Variants in SPATA17 observed in about 807,000 individuals in gnomAD.
The protein encoded by SPATA17 is spermatogenesis-associated protein 17.
Under a neutral mutation model 62.2 loss-of-function variants are expected in SPATA17, and 53 were observed. The observed-to-expected ratio is 0.85, with a 90% confidence interval of 0.68 to 1.07. The LOEUF (loss-of-function observed/expected upper bound fraction) is 1.07. SPATA17 is among the 50% of genes least tolerant of loss of function. SPATA17 has a pLI of 0.00. For missense variants in SPATA17, 466 were observed against 425.5 expected, an observed-to-expected ratio of 1.10 and a Z score of -0.84; for synonymous variants, 146 against 146.8, an observed-to-expected ratio of 0.99 and a Z score of 0.04.
At chr1:217,776,325 AG>A (rs1341124980) in intron 7 of SPATA17, among the ~76,000 whole-genome samples, 1 of 152,206 alleles carries the variant, frequency 6.6e-6, no homozygotes, top group Non-Finnish European at 1.5e-5. Context: ...ACCTTGTGTT[AG>A]ATTTGGCTCA....
At chr1:217,814,140 T>A (rs969778679) in intron 9 of SPATA17, among the ~76,000 whole-genome samples, 1 of 152,212 alleles carries the variant, frequency 6.6e-6, no homozygotes, top group South Asian at 2.1e-4. Flanking sequence ...TCTGAGCATA[T>A]TAGTTATAAT....
At chr1:217,771,510 T>A (rs2102970173) in intron 6 of SPATA17, among the ~76,000 whole-genome samples, 1 of 152,248 alleles carries the variant, frequency 6.6e-6, no homozygotes, top group Non-Finnish European at 1.5e-5. Context: ...TGTATTTATT[T>A]AAAGAAATAA....
intron 8 of SPATA17, among the ~76,000 whole-genome samples, chr1:217,788,331 A>T (rs1673915229): frequency 7.0e-6 from 1 of 142,342 alleles, no homozygotes; most frequent in Admixed American, 7.1e-5. Flanking sequence ...AGAACCAATT[A>T]GTTTCAATTA....
intron 8 of SPATA17, among the ~76,000 whole-genome samples, chr1:217,792,130 G>A (rs1674006777): frequency 6.6e-6 from 1 of 152,086 alleles, no homozygotes; most frequent in Admixed American, 6.5e-5. Flanking sequence ...ATTTGTGTTA[G>A]GCTGCATGTG....
chr1:217,851,764 A>C (rs535240878), intron 9 of SPATA17, among the ~76,000 whole-genome samples: 3 of 152,326 alleles, frequency 2.0e-5, no homozygotes, highest in East Asian at 3.9e-4. Context: ...AATGGTATAC[A>C]GAAGGAGATA....
At chr1:217,734,730 T>A (rs1476684222) in intron 5 of SPATA17, among the ~76,000 whole-genome samples, 2 of 152,182 alleles carry the variant, frequency 1.3e-5, no homozygotes, top group African/African-American at 4.8e-5. Flanking sequence ...TTTAACGCAG[T>A]CTGGATGTAA....
chr1:217,699,924 T>C (rs1671552325), intron 5 of SPATA17, among the ~76,000 whole-genome samples: 1 of 152,168 alleles, frequency 6.6e-6, no homozygotes, highest in African/African-American at 2.4e-5. Context: ...AGAGGCTATC[T>C]TTCCTTCATT....
At chr1:217,631,550 A>T in intron 1 of SPATA17, 104 bp downstream of exon 1, 2 of 1,183,768 alleles carry the variant, frequency 1.7e-6, no homozygotes, top group Non-Finnish European at 2.5e-6. Flanking sequence ...ACCCTAATTC[A>T]TTAAGTAGTA....
chr1:217,807,196 A>T (rs1389032636), intron 9 of SPATA17, among the ~76,000 whole-genome samples: 1 of 152,018 alleles, frequency 6.6e-6, no homozygotes, highest in Non-Finnish European at 1.5e-5. Context: ...AGTGGGAGCT[A>T]AACGATGAGT....
At chr1:217,801,322 A>G (rs182169378) in intron 8 of SPATA17, among the ~76,000 whole-genome samples, 2 of 152,312 alleles carry the variant, frequency 1.3e-5, no homozygotes, top group African/African-American at 2.4e-5. Flanking sequence ...AAGAAAGCCT[A>G]CTTCAGTAAG....
intron 7 of SPATA17, among the ~76,000 whole-genome samples, chr1:217,778,485 C>T (rs1053645581): frequency 9.9e-5 from 15 of 152,146 alleles, no homozygotes; most frequent in African/African-American, 3.6e-4. Flanking sequence ...CACACCATTG[C>T]ACTCCAGCCT....
chr1:217,665,535 G>T (rs544587308), intron 3 of SPATA17: 13 of 152,312 alleles, frequency 8.5e-5, no homozygotes, highest in Non-Finnish European at 1.6e-4. Context: ...AGTTGGAAAT[G>T]ATAGGTAAAA....
intron 5 of SPATA17, among the ~76,000 whole-genome samples, chr1:217,697,156 G>A (rs1275379392): frequency 6.6e-6 from 1 of 152,164 alleles, no homozygotes; most frequent in Non-Finnish European, 1.5e-5. Context: ...CCACAGGCAT[G>A]TGCCACCATG....
At chr1:217,761,004 C>T (rs530391611) in intron 6 of SPATA17, among the ~76,000 whole-genome samples, 12 of 152,266 alleles carry the variant, frequency 7.9e-5, no homozygotes, top group South Asian at 2.1e-4. Flanking sequence ...GCTCAGAATA[C>T]GTAGAAATGG....
intron 7 of SPATA17, among the ~76,000 whole-genome samples, chr1:217,781,864 T>C (rs111364919): frequency 6.6e-6 from 1 of 152,142 alleles, no homozygotes; most frequent in African/African-American, 2.4e-5. Context: ...AAAATGTGCT[T>C]TGTAAAATTA....
intron 6 of SPATA17, among the ~76,000 whole-genome samples, chr1:217,745,956 C>A (rs1672738554): frequency 6.6e-6 from 1 of 152,020 alleles, no homozygotes; most frequent in Non-Finnish European, 1.5e-5. Context: ...ACACACATTT[C>A]AATCTGAGTG....
chr1:217,842,490 G>C (rs555661598), intron 9 of SPATA17, among the ~76,000 whole-genome samples: 1 of 151,828 alleles, frequency 6.6e-6, no homozygotes, highest in South Asian at 2.1e-4. Context: ...GGACAATTCA[G>C]ATTTCTATTT....
chr1:217,801,259 A>T (rs891503602), intron 8 of SPATA17, among the ~76,000 whole-genome samples: 1 of 152,212 alleles, frequency 6.6e-6, no homozygotes, highest in South Asian at 2.1e-4. Context: ...CCCATTATTC[A>T]TAACTGCTAC....
rs113478129 is a variant in SPATA17 at position 217,821,732 on chromosome 1, A to C, written c.1005+19882A>C. Among the ~76,000 whole-genome samples the C allele has an allele frequency of 1.9e-3, 286 of 152,178 alleles. 3 individuals carry two copies. Among genetic ancestry groups the C allele is most frequent in the African/African-American group, 6.7e-3 (277 of 41,552 alleles). On this transcript the variant is annotated intron_variant, in intron 9 of 10. Transcript: ENST00000366933. ...TAGCATTAATTATGCTGTTATGTGG[A>C]TATCACTATTTAACTGGTATCCTCC...
Sources: allele counts gnomAD v4.1 joint callset (sites outside exome capture counted in the v4.1 genomes callset), GRCh38; gene constraint gnomAD v4.1.1; transcripts MANE v1.5; gene names NCBI Gene and HGNC (gene_info 2026-07-23, HGNC 2026-07-21).